Variants in TLE6 observed in about 807,000 individuals in gnomAD.
The protein encoded by TLE6 is transducin-like enhancer protein 6.
In TLE6, 72 loss-of-function variants were observed where a neutral mutation model predicts 77.1. That is an observed-to-expected ratio of 0.93 (90% confidence interval 0.77 to 1.14). The LOEUF is 1.14. Among genes scored for constraint, TLE6 ranks in the 50% most tolerant of loss-of-function variants. TLE6 has a pLI of 0.00. For synonymous variants in TLE6, 366 were observed against 287.3 expected (o/e 1.27, Z -2.77); for missense variants, 843 against 747.6 (o/e 1.13, Z -1.49).
In TLE6 at chr19:2,982,179, A is replaced by G; in HGVS notation, c.212A>G (p.His71Arg). 3 of 1,551,456 alleles carry G rather than the reference A, an allele frequency of 1.9e-6. No homozygotes were observed. Among genetic ancestry groups the G allele is most frequent in the South Asian group, 1.2e-5 (1 of 84,048 alleles). Reference sequence around the variant, plus strand: ...AAGATCCAGCAGGATGTGGCAGAACATCACAAGCAGGTGGGTGACCAGGAG... The same window carrying G: ...AAGATCCAGCAGGATGTGGCAGAACGTCACAAGCAGGTGGGTGACCAGGAG... ...LHKIQQDVAE[H>R]HKQIGNVLQI... The change falls in exon 5 of 17, where the codon CAT becomes CGT. Residue 71 changes from histidine (H) to arginine (R), a missense_variant. Physicochemically the swap from His to Arg is conservative, Grantham distance 29 (BLOSUM62 0). Coordinates refer to ENST00000246112, the MANE Select transcript of TLE6 (RefSeq NM_001143986.2).
rs1040845559 is a variant in TLE6, at chr19:2,978,283, C to G, written c.50C>G (p.Ser17Trp). 6.4e-7 allele frequency: 1 copy of G among 1,551,264 alleles called. No individual in the cohort carries two copies. Among genetic ancestry groups the G allele is most frequent in the East Asian group, 2.4e-5 (1 of 40,926 alleles). Residue 17 changes from serine (S) to tryptophan (W), a missense_variant and splice_region_variant, in exon 2 of 17, where the codon TCG becomes TGG. By Grantham distance (177) the Ser-to-Trp change is radical (BLOSUM62 -3). Coordinates refer to ENST00000246112, the MANE Select transcript of TLE6 (RefSeq NM_001143986.2). ...CCCAAGGGCCCCCCGAAAAGCACTT[C>G]GGTGAGGAGGGCATGTGGTGGGATC... Reference protein sequence around the residue: ...PRPKGPPKSTSPCPGISNSES... With the variant: ...PRPKGPPKSTWPCPGISNSES...
intron 14 of TLE6, among the ~76,000 whole-genome samples, chr19:2,993,041 A>G: frequency 6.7e-6 from 1 of 149,712 alleles, no homozygotes; most frequent in East Asian, 2.0e-4. Context: ...AAAAAAAAAA[A>G]AAAAAAAAAA....
intron 3 of TLE6, among the ~76,000 whole-genome samples, 190 bp from the exon 4 acceptor site, chr19:2,981,347 CA>C (rs34622024): frequency 4.3e-3 from 498 of 115,156 alleles, no homozygotes; most frequent in Middle Eastern, 0.019. Flanking sequence ...GACTCTGTCT[CA>C]AAAAAAAAAA....
Position 2,991,923 on chromosome 19 carries a change from G to C in TLE6, c.1325G>C (p.Cys442Ser). The change falls in exon 14 of 17, where the codon TGT (cysteine) becomes TCT (serine). Residue 442 changes from cysteine (C) to serine (S), a missense_variant. Transcript: ENST00000246112. ...YNIWTGGPDACLRCWDQRTIM... is the reference protein window; with the variant it reads ...YNIWTGGPDASLRCWDQRTIM... ...ATCTGGACTGGGGGTCCGGATGCCT[G>C]TCTGCGGTGCTGGGACCAGAGGACC... The C allele has an allele frequency of 6.2e-7, 1 of 1,613,988 alleles. No individual in the cohort carries two copies. The highest frequency in any genetic ancestry group is 8.5e-7 in the Non-Finnish European group (1 of 1,179,994).
chr19:2,979,975 A>G (rs1323549371), intron 2 of TLE6, 125 bp from the exon 3 acceptor site: 1 of 689,966 alleles, frequency 1.4e-6, no homozygotes, highest in East Asian at 3.5e-5. Context: ...AAAAAAAAAA[A>G]AAAAAGCAAA....
chr19:2,982,535 CAAAAAAAAAAAAA>C (rs1200316710), intron 5 of TLE6, among the ~76,000 whole-genome samples: 23 of 41,840 alleles, frequency 5.5e-4, no homozygotes, highest in Non-Finnish European at 1.5e-4. Flanking sequence ...GACTCTGTCT[CAAAAAAAAAAAAA>C]AAAAAAAAAG....
intron 5 of TLE6, among the ~76,000 whole-genome samples, chr19:2,985,870 G>C (rs2088897674): frequency 6.7e-6 from 1 of 149,044 alleles, no homozygotes; most frequent in Non-Finnish European, 1.5e-5. Context: ...TAGGTCAAGA[G>C]TTCAAGACCA....
intron 12 of TLE6, 50 bp downstream of exon 12, chr19:2,989,363 G>C (rs771998526): frequency 1.2e-6 from 2 of 1,602,510 alleles, no homozygotes; most frequent in African/African-American, 1.3e-5. Flanking sequence ...GGAACAGGGG[G>C]TTTGAGGTTT....
At position 2,994,997 on chromosome 19, in the gene TLE6, C is replaced by A. The variant is rs1211240328; in HGVS notation, c.1712C>A (p.Thr571Asn). 3.1e-6 allele frequency: 5 copies of A among 1,604,552 alleles called. No individual in the cohort carries two copies. The East Asian group carries it at 1.1e-4, about 36-fold the overall frequency. The change falls in exon 17 of 17, where the codon ACC becomes AAC. Residue 571 changes from threonine (T) to asparagine (N), a missense_variant. Thr to Asn is a moderately conservative substitution (Grantham distance 65). Coordinates refer to ENST00000246112, the MANE Select transcript of TLE6 (RefSeq NM_001143986.2). ...SGEHASVYQITY is the reference protein window; with the variant it reads ...SGEHASVYQINY ...GAGCACGCCTCCGTGTACCAGATCA[C>A]CTACTGAGGGGCCTCGCTGCTGTCA...
intron 14 of TLE6, among the ~76,000 whole-genome samples, chr19:2,992,790 A>AC (rs1165207765): frequency 7.5e-5 from 1 of 13,346 alleles, no homozygotes; most frequent in African/African-American, 2.7e-4. Context: ...AAAAAAAAAA[A>AC]AAAGGGGGGG....
At position 2,993,042 on chromosome 19, in the gene TLE6, A is replaced by AC. The variant is rs1003529005; in HGVS notation, c.1387-390_1387-389insC. On this transcript the variant is annotated intron_variant, in intron 14 of 16. Transcript: ENST00000246112. ...CGTCTCTACTAAAAAAAAAAAAAAA[A>AC]AAAAAAAAAAACAGAATAATTAGCC... Among the ~76,000 whole-genome samples the AC allele has an allele frequency of 1.6e-3, 239 of 149,998 alleles. 3 individuals carry two copies. Among genetic ancestry groups the AC allele is most frequent in the African/African-American group, 5.6e-3 (229 of 40,968 alleles).
At chr19:2,986,319 G>A (rs142617478) in intron 5 of TLE6, among the ~76,000 whole-genome samples, 1 of 152,040 alleles carries the variant, frequency 6.6e-6, no homozygotes, top group South Asian at 2.1e-4. Context: ...AGGAGGCTGA[G>A]ATGGGAGGAT....
At chr19:2,978,053 C>T (rs2088713954) in intron 1 of TLE6, 145 bp from the exon 2 acceptor site, 2 of 624,240 alleles carry the variant, frequency 3.2e-6, no homozygotes, top group South Asian at 3.8e-5. Context: ...AGGACAGGAC[C>T]TAGGGAACGC....
chr19:2,992,815 G>T (rs1285339940), intron 14 of TLE6, among the ~76,000 whole-genome samples: 2 of 114,676 alleles, frequency 1.7e-5, no homozygotes, highest in African/African-American at 3.2e-5. Flanking sequence ...GGGTGGGGGG[G>T]GGGGAGGATG....
At position 2,981,646 on chromosome 19, in the gene TLE6, T is replaced by A. The variant is rs1343173751; in HGVS notation, c.180+63T>A. 4.6e-6 allele frequency: 7 copies of A among 1,520,818 alleles called. No individual in the cohort carries two copies. The African/African-American group carries it at 8.3e-5, about 18-fold the overall frequency. The allele number at this position is 1,520,818 out of a possible 1,614,324, so 94.2% of individuals were successfully genotyped here. On this transcript the variant is annotated intron_variant, in intron 4 of 16. Transcript: ENST00000246112. The stretch of plus-strand genomic sequence containing the variant: ...CCACTGGGACAAGCTGAGGCCCTGG[T>A]TTCCCGGCCCTGCCTCCTGAGTGCC...
intron 14 of TLE6, among the ~76,000 whole-genome samples, chr19:2,992,522 C>G (rs375325): frequency 0.69 from 104,299 of 151,758 alleles, 36,553 homozygotes; most frequent in African/African-American, 0.76. Context: ...TGCAATCCCA[C>G]CACTTTGGGA....
chr19:2,985,800 G>A (rs112016416), intron 5 of TLE6, among the ~76,000 whole-genome samples: 44,353 of 150,106 alleles, frequency 0.3, 7,188 homozygotes, highest in African/African-American at 0.42. Context: ...CTGGGGCCAG[G>A]TGTGGTGGCT....
At chr19:2,980,215 G>A (rs779630765) in intron 3 of TLE6, 33 bp downstream of exon 3, 7 of 1,527,438 alleles carry the variant, frequency 4.6e-6, no homozygotes, top group African/African-American at 2.8e-5. Context: ...GAGGTCTCAC[G>A]CTGGGAAGGA....
In TLE6 at chr19:2,988,144, G is replaced by C; in HGVS notation, c.740+16G>C. ...TACAGTCCATGTAAGTGTCTGCACT[G>C]TTTGCTTTTGGGCGGGGTGAGGGGC... is the stretch of plus-strand genomic sequence containing the variant. On this transcript the variant is annotated intron_variant, in intron 11 of 16. Coordinates refer to ENST00000246112, the MANE Select transcript of TLE6 (RefSeq NM_001143986.2). 1.3e-6 allele frequency: 2 copies of C among 1,551,428 alleles called. No homozygotes were observed. The highest frequency in any genetic ancestry group is 1.7e-6 in the Non-Finnish European group (2 of 1,146,816).
Sources: allele counts gnomAD v4.1 joint callset (sites outside exome capture counted in the v4.1 genomes callset), GRCh38; gene constraint gnomAD v4.1.1; transcripts MANE v1.5; gene names NCBI Gene and HGNC (gene_info 2026-07-23, HGNC 2026-07-21).